MGAT4C: variants seen among roughly 807,000 people sequenced by gnomAD.
MGAT4C encodes MGAT4 family member C.
Under a neutral mutation model 40.1 loss-of-function variants are expected in MGAT4C, and 19 were observed. That is an observed-to-expected ratio of 0.47 (90% CI 0.33 to 0.70). The LOEUF is 0.70. MGAT4C is among the 30% of genes least tolerant of loss of function. The probability of loss-of-function intolerance (pLI) is 0.02; values close to 1 mark genes in which losing one functional copy is unlikely to be tolerated. For synonymous variants in MGAT4C, 181 were observed against 187.1 expected (o/e 0.97, Z 0.27); for missense variants, 491 against 563.2 (o/e 0.87, Z 1.30).
At chr12:86,261,065 A>G (rs534568593), upstream of MGAT4C, among the ~76,000 whole-genome samples, 68 of 152,238 alleles carry the variant, frequency 4.5e-4, 1 homozygote, top group Admixed American at 1.4e-3. Context: ...ACAATGGAGC[A>G]CATGATAAAG....
intron 2 of MGAT4C, among the ~76,000 whole-genome samples, chr12:86,024,867 T>C (rs1029236540): frequency 1.3e-5 from 2 of 151,784 alleles, no homozygotes; most frequent in African/African-American, 4.8e-5. Context: ...ATTCCCTTTA[T>C]TCGAGTTATC....
At chr12:86,261,803 G>GT (rs1198784811) in intron 4 of MGAT4C, among the ~76,000 whole-genome samples, 1 of 152,032 alleles carries the variant, frequency 6.6e-6, no homozygotes, top group East Asian at 1.9e-4. Context: ...GTGAAGGGAA[G>GT]TAAGAATCAC....
chr12:86,279,919 CAT>C (rs1307316696), intron 4 of MGAT4C, among the ~76,000 whole-genome samples: 1 of 151,762 alleles, frequency 6.6e-6, no homozygotes, highest in East Asian at 1.9e-4. Context: ...GTTTAATTTC[CAT>C]ATGTTTGTAT....
At chr12:86,088,466 C>A (rs78488146) in intron 1 of MGAT4C, among the ~76,000 whole-genome samples, 1 of 151,852 alleles carries the variant, frequency 6.6e-6, no homozygotes, top group Non-Finnish European at 1.5e-5. Context: ...ATTATATTTG[C>A]GAACTATCTA....
intron 1 of MGAT4C, among the ~76,000 whole-genome samples, chr12:86,837,664 A>G (rs1953064223): frequency 6.6e-6 from 1 of 152,088 alleles, no homozygotes. Context: ...AATATGATAG[A>G]TTTCATTGAG....
At chr12:86,577,728 T>C (rs189810889) in intron 2 of MGAT4C, among the ~76,000 whole-genome samples, 233 of 151,964 alleles carry the variant, frequency 1.5e-3, no homozygotes, top group Non-Finnish European at 2.5e-3. Context: ...ATTGAGGATT[T>C]TTGCATAAAT....
chr12:86,654,609 A>G (rs1023698542), intron 2 of MGAT4C, among the ~76,000 whole-genome samples: 3 of 151,990 alleles, frequency 2.0e-5, no homozygotes, highest in Non-Finnish European at 2.9e-5. Context: ...TCTTTATGGA[A>G]TCTTTCTTTA....
chr12:86,253,621 A>G (rs1259960921), intron 1 of MGAT4C, among the ~76,000 whole-genome samples: 2 of 151,980 alleles, frequency 1.3e-5, no homozygotes, highest in Non-Finnish European at 2.9e-5. Context: ...TATGTACCTA[A>G]AATATACACC....
At chr12:86,422,465 C>T (rs975564231) in intron 3 of MGAT4C, among the ~76,000 whole-genome samples, 4 of 152,088 alleles carry the variant, frequency 2.6e-5, no homozygotes, top group Non-Finnish European at 4.4e-5. Flanking sequence ...ATTTTTCAAC[C>T]CTTGACATCT....
intron 1 of MGAT4C, among the ~76,000 whole-genome samples, chr12:86,085,700 AC>A (rs1463507866): frequency 6.6e-6 from 1 of 152,156 alleles, no homozygotes; most frequent in African/African-American, 2.4e-5. Context: ...CAAGAAAAAA[AC>A]AAACAACCAT....
At chr12:86,502,718 T>TACACGAGTTCTGCTCATATATAA (rs1958374856) in intron 2 of MGAT4C, among the ~76,000 whole-genome samples, 1 of 144,798 alleles carries the variant, frequency 6.9e-6, no homozygotes, top group Admixed American at 7.1e-5. Context: ...CTCATATATA[T>TACACGAGTTCTGCTCATATATAA]ATACACGAGT....
chr12:86,170,338 T>G (rs1462807580), intron 1 of MGAT4C, among the ~76,000 whole-genome samples: 1 of 152,218 alleles, frequency 6.6e-6, no homozygotes. Context: ...TCATGTCATT[T>G]GAAACTTGAT....
At chr12:86,590,766 C>G (rs1961300201) in intron 2 of MGAT4C, among the ~76,000 whole-genome samples, 1 of 151,956 alleles carries the variant, frequency 6.6e-6, no homozygotes, top group Admixed American at 6.6e-5. Flanking sequence ...TTCAGTGGTA[C>G]TTTCAGCAGA....
intron 3 of MGAT4C, among the ~76,000 whole-genome samples, chr12:86,397,360 A>G (rs542166846): frequency 6.6e-6 from 1 of 152,228 alleles, no homozygotes; most frequent in African/African-American, 2.4e-5. Context: ...TTTTGAATCA[A>G]CTTGATTTTT....
At chr12:85,991,147 G>A (rs1378161891) in intron 2 of MGAT4C, among the ~76,000 whole-genome samples, 1 of 152,134 alleles carries the variant, frequency 6.6e-6, no homozygotes, top group African/African-American at 2.4e-5. Context: ...AGGTCAACCT[G>A]TCAAGTGTTC....
chr12:86,372,700 T>C (rs1009473484), intron 3 of MGAT4C, among the ~76,000 whole-genome samples: 1 of 151,886 alleles, frequency 6.6e-6, no homozygotes, highest in Non-Finnish European at 1.5e-5. Context: ...ATATATTTGG[T>C]AAACTGCAAC....
intron 1 of MGAT4C, among the ~76,000 whole-genome samples, chr12:86,193,114 G>T (rs921146748): frequency 4.0e-5 from 6 of 151,638 alleles, no homozygotes; most frequent in African/African-American, 1.5e-4. Context: ...AATATATTCA[G>T]ATTTAATAAA....
chr12:86,543,683 C>G (rs1959179411), intron 2 of MGAT4C, among the ~76,000 whole-genome samples: 1 of 151,988 alleles, frequency 6.6e-6, no homozygotes. Context: ...GTATTTTACC[C>G]AAGAATTATA....
chr12:86,669,152 T>C (rs916047899), intron 2 of MGAT4C, among the ~76,000 whole-genome samples: 4 of 151,714 alleles, frequency 2.6e-5, no homozygotes, highest in Non-Finnish European at 5.9e-5. Context: ...GAAAACCCAT[T>C]CATCTGGTTC....
Sources: gnomAD v4.1 joint callset for allele counts (sites outside exome capture counted in the v4.1 genomes callset) on GRCh38, gnomAD v4.1.1 for gene constraint, MANE v1.5 for transcripts, NCBI Gene and HGNC (gene_info 2026-07-23, HGNC 2026-07-21) for gene names.